Variants in TRAPPC9 observed in about 807,000 individuals in gnomAD.
TRAPPC9 encodes IKK2 binding protein.
TRAPPC9 carries 83 observed loss-of-function variants against 124.0 expected under a neutral mutation model. The observed-to-expected ratio is 0.67, with a 90% confidence interval of 0.56 to 0.80. The LOEUF is 0.80. Ranked by LOEUF, TRAPPC9 falls within the 30% of genes least tolerant of loss-of-function variation. TRAPPC9 has a pLI of 0.00. For missense variants in TRAPPC9, 1,302 were observed against 1,508.3 expected (o/e 0.86, Z 2.27); for synonymous variants, 638 against 617.5 (o/e 1.03, Z -0.49).
At chr8:140,163,524 G>A (rs1563809675) in intron 17 of TRAPPC9, among the ~76,000 whole-genome samples, 1 of 152,192 alleles carries the variant, frequency 6.6e-6, no homozygotes, top group Non-Finnish European at 1.5e-5. Flanking sequence ...ATAACTGAAT[G>A]AAGCGCTGAA....
intron 19 of TRAPPC9, chr8:139,914,850 G>A (rs1832008110): frequency 6.6e-6 from 1 of 152,296 alleles, no homozygotes; most frequent in Non-Finnish European, 1.5e-5. Context: ...GTTTGCACAG[G>A]ACGGCACATC....
rs1426530873 is a variant in TRAPPC9, at chr8:139,927,638, T to C, written c.2811-17338A>G. ...ACCAAGAGCAATGAAAATACGTCTA[T>C]GCAGAGGTCTGTTGAGGAATGGTTA... On this transcript the variant is annotated intron_variant, in intron 19 of 22. Coordinates refer to ENST00000438773, the MANE Select transcript of TRAPPC9 (RefSeq NM_001160372.4). Among the ~76,000 whole-genome samples the C allele has an allele frequency of 2.6e-5, 4 of 152,192 alleles. No homozygotes were observed. In the South Asian group the frequency reaches 8.3e-4, roughly 32 times the overall value.
chr8:140,278,149 G>T (rs1408555680), intron 14 of TRAPPC9, among the ~76,000 whole-genome samples: 3 of 152,052 alleles, frequency 2.0e-5, no homozygotes, highest in Non-Finnish European at 2.9e-5. Flanking sequence ...TGTCGCTCAG[G>T]CTGGAGAGCA....
At chr8:139,766,146 C>A (rs1040717845) in intron 21 of TRAPPC9, among the ~76,000 whole-genome samples, 2 of 152,230 alleles carry the variant, frequency 1.3e-5, no homozygotes, top group Non-Finnish European at 2.9e-5. Flanking sequence ...AACACTAGGG[C>A]GCAGAGATGG....
intron 21 of TRAPPC9, among the ~76,000 whole-genome samples, chr8:139,818,262 A>C (rs1273023575): frequency 6.6e-6 from 1 of 152,158 alleles, no homozygotes; most frequent in East Asian, 1.9e-4. Context: ...GGAGAGTCTG[A>C]TTAGGAGCTG....
intron 18 of TRAPPC9, among the ~76,000 whole-genome samples, chr8:140,000,024 C>A (rs1838286772): frequency 6.6e-6 from 1 of 152,034 alleles, no homozygotes. Flanking sequence ...GTACTGGTAC[C>A]AAAACAGATA....
chr8:140,134,122 TCA>T (rs2061253747), intron 17 of TRAPPC9, among the ~76,000 whole-genome samples: 2 of 152,190 alleles, frequency 1.3e-5, no homozygotes, highest in Admixed American at 6.5e-5. Context: ...GTTAGAGGAC[TCA>T]CATGTCCTGA....
intron 17 of TRAPPC9, among the ~76,000 whole-genome samples, chr8:140,025,938 A>T (rs1246248531): frequency 2.6e-5 from 4 of 152,034 alleles, no homozygotes; most frequent in African/African-American, 9.7e-5. Flanking sequence ...TCCATCATCC[A>T]TTTCCGTCCC....
chr8:140,311,449 G>C, intron 9 of TRAPPC9, 75 bp from the exon 10 acceptor site: 1 of 1,568,950 alleles, frequency 6.4e-7, no homozygotes, highest in Non-Finnish European at 8.7e-7. Flanking sequence ...TTTACTTGGG[G>C]CATTTCATGA....
chr8:140,013,893 G>A (rs77620928), intron 18 of TRAPPC9, among the ~76,000 whole-genome samples: 1,553 of 152,252 alleles, frequency 0.01, 26 homozygotes, highest in African/African-American at 0.036. Flanking sequence ...TGAATGGCTC[G>A]CTCAAAACCA....
intron 17 of TRAPPC9, among the ~76,000 whole-genome samples, chr8:140,215,708 C>T (rs559912782): frequency 1.3e-5 from 2 of 151,880 alleles, no homozygotes; most frequent in African/African-American, 2.4e-5. Context: ...ACAGACGCGG[C>T]GAACTTGGGC....
At chr8:139,747,207 CT>C (rs1173932687) in intron 21 of TRAPPC9, among the ~76,000 whole-genome samples, 18 of 152,218 alleles carry the variant, frequency 1.2e-4, no homozygotes, top group Admixed American at 1.1e-3. Context: ...CCCCACCGCT[CT>C]GTGTGGCTCT....
At chr8:139,925,535 G>A (rs1335556852) in intron 19 of TRAPPC9, among the ~76,000 whole-genome samples, 2 of 152,010 alleles carry the variant, frequency 1.3e-5, no homozygotes, top group Non-Finnish European at 2.9e-5. Context: ...ATTGCTTGAG[G>A]CCAGGAGTTC....
intron 17 of TRAPPC9, among the ~76,000 whole-genome samples, chr8:140,093,117 C>A (rs185727232): frequency 6.6e-6 from 1 of 152,210 alleles, no homozygotes; most frequent in Admixed American, 6.5e-5. Context: ...CTCAAAAATC[C>A]TTGCCATTGG....
chr8:139,982,800 A>C (rs141287550), intron 19 of TRAPPC9, among the ~76,000 whole-genome samples: 248 of 152,290 alleles, frequency 1.6e-3, no homozygotes, highest in African/African-American at 5.7e-3. Context: ...CTCGCTAAGA[A>C]ATATGATAAG....
chr8:139,802,071 T>C (rs1176904646), intron 21 of TRAPPC9, among the ~76,000 whole-genome samples: 1 of 152,222 alleles, frequency 6.6e-6, no homozygotes, highest in Non-Finnish European at 1.5e-5. Context: ...TCTGGGCTTC[T>C]TCCTCTAGCC....
chr8:140,447,076 G>A (rs1345571399), intron 2 of TRAPPC9, among the ~76,000 whole-genome samples: 1 of 152,186 alleles, frequency 6.6e-6, no homozygotes, highest in Non-Finnish European at 1.5e-5. Context: ...GCATGGCGCT[G>A]CAGCCTGGGA....
At chr8:140,260,671 TC>T (rs1171635890) in intron 15 of TRAPPC9, among the ~76,000 whole-genome samples, 1 of 152,152 alleles carries the variant, frequency 6.6e-6, no homozygotes, top group East Asian at 1.9e-4. Context: ...ATCTATTAAG[TC>T]CTATCTTCTG....
At chr8:140,144,926 T>C (rs1398077886) in intron 17 of TRAPPC9, among the ~76,000 whole-genome samples, 1 of 152,162 alleles carries the variant, frequency 6.6e-6, no homozygotes, top group Non-Finnish European at 1.5e-5. Context: ...CAGGCAGGAA[T>C]GCAGTGGCGC....
Sources: gnomAD v4.1 joint callset for allele counts (sites outside exome capture counted in the v4.1 genomes callset) on GRCh38, gnomAD v4.1.1 for gene constraint, MANE v1.5 for transcripts, NCBI Gene and HGNC (gene_info 2026-07-23, HGNC 2026-07-21) for gene names.